TIMM23B: variants seen among roughly 807,000 people sequenced by gnomAD.
The protein encoded by TIMM23B is translocase of inner mitochondrial membrane 23 homolog B.
A neutral mutation model predicts 27.3 loss-of-function variants in TIMM23B; 27 were observed. The observed-to-expected ratio is 0.99, with a 90% CI of 0.73 to 1.36. The LOEUF (loss-of-function observed/expected upper bound fraction) is 1.36. TIMM23B is among the 40% of genes most tolerant of loss of function. The pLI is 0.00. For missense variants in TIMM23B, 205 were observed against 244.2 expected, an observed-to-expected ratio of 0.84 and a Z score of 1.07; for synonymous variants, 73 against 92.4, an observed-to-expected ratio of 0.79 and a Z score of 1.21.
At position 49,973,226 on chromosome 10, in the gene TIMM23B, A is replaced by C. The variant is rs1840528429; in HGVS notation, c.*162A>C. The stretch of plus-strand genomic sequence containing the variant: ...TAGTCTCTGTCAGAGCTACATTTTA[A>C]AGGAGAAAAAGAAACGTGAAGTCAT... On this transcript the variant is annotated 3_prime_UTR_variant, in exon 7 of 7. Transcript: ENST00000651259. The C allele has an allele frequency of 1.9e-6, 1 of 530,506 alleles. No homozygotes were observed. The highest frequency in any genetic ancestry group is 3.3e-6 in the Non-Finnish European group (1 of 299,320). The allele number at this position is 530,506 out of a possible 1,614,324, so 32.9% of individuals were successfully genotyped here. A position where few individuals can be genotyped will look rare whatever the true frequency, so the allele number is the denominator to read the frequency against.
rs1840570685 is a variant in TIMM23B, at chr10:49,974,248, TTCTTTC to T, written c.*1189_*1194del. ...AAAGGAGAATTATGGCATCATCTAT[TTCTTTC>T]TCTTGTCTCATAAATCTAAACCATC... On this transcript the variant is annotated 3_prime_UTR_variant, in exon 7 of 7. Transcript: ENST00000651259. The T allele has an allele frequency of 6.7e-6, 1 of 148,962 alleles. No homozygotes were observed. The highest frequency in any genetic ancestry group is 6.7e-5 in the Admixed American group (1 of 14,904). 9.2% of individuals were successfully genotyped at this position (148,962 alleles called of 1,614,324 possible). A position where few individuals can be genotyped will look rare whatever the true frequency, so the allele number is the denominator to read the frequency against.
chr10:49,950,038 C>G (rs1839475781), intron 2 of TIMM23B, among the ~76,000 whole-genome samples: 1 of 152,052 alleles, frequency 6.6e-6, no homozygotes, highest in Non-Finnish European at 1.5e-5. Context: ...TTTGTATTGT[C>G]ACTACTCTTA....
At chr10:49,949,197 CTT>C (rs1318050672) in intron 2 of TIMM23B, among the ~76,000 whole-genome samples, 5 of 106,592 alleles carry the variant, frequency 4.7e-5, no homozygotes, top group East Asian at 5.9e-4. Context: ...CATGCCTGGC[CTT>C]TTTTTTTTTT....
intron 5 of TIMM23B, among the ~76,000 whole-genome samples, chr10:49,957,743 G>A (rs1309776761): frequency 4.6e-5 from 7 of 152,118 alleles, no homozygotes; most frequent in African/African-American, 9.7e-5. Flanking sequence ...AAAGTCTTCC[G>A]ACCCCATCCA....
At chr10:49,948,936 G>A (rs1392286771) in intron 2 of TIMM23B, among the ~76,000 whole-genome samples, 11 of 151,854 alleles carry the variant, frequency 7.2e-5, no homozygotes, top group African/African-American at 2.4e-4. Flanking sequence ...TTCCAGACTC[G>A]AGTTGCAGTA....
At chr10:49,965,933 G>C (rs534065906) in intron 6 of TIMM23B, among the ~76,000 whole-genome samples, 1 of 128,196 alleles carries the variant, frequency 7.8e-6, no homozygotes, top group Non-Finnish European at 1.7e-5. Context: ...GAAATGAAAC[G>C]AAATGAAATG....
intron 6 of TIMM23B, among the ~76,000 whole-genome samples, chr10:49,966,162 G>A (rs1369717560): frequency 2.7e-5 from 4 of 148,254 alleles, no homozygotes; most frequent in Admixed American, 1.3e-4. Flanking sequence ...CAGCTTGCGC[G>A]GTAGAGTGAG....
intron 2 of TIMM23B, among the ~76,000 whole-genome samples, chr10:49,946,237 A>T (rs1230068465): frequency 6.0e-5 from 9 of 149,650 alleles, no homozygotes; most frequent in Non-Finnish European, 1.0e-4. Flanking sequence ...AGCCTGTTAA[A>T]TGCCATCTAC....
intron 2 of TIMM23B, among the ~76,000 whole-genome samples, chr10:49,950,604 G>A (rs1300767947): frequency 1.3e-5 from 2 of 148,436 alleles, no homozygotes; most frequent in Non-Finnish European, 3.0e-5. Context: ...GTGCAGTGGC[G>A]TGATCTCAGC....
chr10:49,949,195 G>GC (rs1564679511), intron 2 of TIMM23B, among the ~76,000 whole-genome samples: 7 of 85,870 alleles, frequency 8.2e-5, no homozygotes, highest in African/African-American at 3.9e-4. Flanking sequence ...ACCATGCCTG[G>GC]CCTTTTTTTT....
At chr10:49,969,106 A>AT (rs1298397505) in intron 6 of TIMM23B, among the ~76,000 whole-genome samples, 1 of 152,102 alleles carries the variant, frequency 6.6e-6, no homozygotes, top group African/African-American at 2.4e-5. Flanking sequence ...GGCTTTGATT[A>AT]TTTTTTTAAG....
At chr10:49,943,032 C>T (rs1227314475) in intron 1 of TIMM23B, among the ~76,000 whole-genome samples, 9 of 152,074 alleles carry the variant, frequency 5.9e-5, no homozygotes, top group East Asian at 3.8e-4. Context: ...AAAGCCTTTA[C>T]GAAAGTACTT....
At chr10:49,969,536 A>C (rs1186863386) in intron 6 of TIMM23B, among the ~76,000 whole-genome samples, 7 of 151,790 alleles carry the variant, frequency 4.6e-5, no homozygotes, top group African/African-American at 1.7e-4. Flanking sequence ...TGGACAACAT[A>C]GCTACTAAAA....
chr10:49,964,612 A>G (rs540529050), intron 6 of TIMM23B, among the ~76,000 whole-genome samples: 58 of 151,424 alleles, frequency 3.8e-4, no homozygotes, highest in African/African-American at 1.2e-3. Flanking sequence ...GCCGGGTGAA[A>G]TGAAATGAAA....
intron 6 of TIMM23B, among the ~76,000 whole-genome samples, chr10:49,966,861 ACT>A (rs1488609991): frequency 3.9e-5 from 6 of 152,266 alleles, no homozygotes; most frequent in South Asian, 4.1e-4. Flanking sequence ...AAAATAAATT[ACT>A]CTCTATCTGA....
rs1184400496 is a variant in TIMM23B at position 49,970,637 on chromosome 10, G to A, written c.515-2375G>A. The stretch of plus-strand genomic sequence containing the variant: ...GGAGGTGGGGGGGCAGCCCCCGCCC[G>A]GCCAGCTGCCCCGTCCGGGAGGGAG... On this transcript the variant is annotated intron_variant, in intron 6 of 6. Coordinates refer to ENST00000651259, the MANE Select transcript of TIMM23B (RefSeq NM_001290117.2). 6.0e-5 allele frequency among the ~76,000 whole-genome samples: 9 copies of A among 150,424 alleles called. No homozygotes were observed. In the South Asian group the frequency reaches 8.4e-4, roughly 14 times the overall value.
intron 5 of TIMM23B, among the ~76,000 whole-genome samples, chr10:49,956,079 T>G (rs1564682512): frequency 2.5e-5 from 3 of 120,160 alleles, no homozygotes; most frequent in Admixed American, 2.2e-4. Flanking sequence ...CTAGAATGGC[T>G]GGTCACCCTC....
At chr10:49,950,260 T>A (rs1473875876) in intron 2 of TIMM23B, among the ~76,000 whole-genome samples, 1 of 151,008 alleles carries the variant, frequency 6.6e-6, no homozygotes, top group Admixed American at 6.6e-5. Flanking sequence ...GGATTTATCT[T>A]CCATGTCAGC....
chr10:49,952,370 G>A, intron 3 of TIMM23B, 79 bp from the exon 4 acceptor site: 2 of 1,519,894 alleles, frequency 1.3e-6, no homozygotes, highest in Non-Finnish European at 1.8e-6. Flanking sequence ...AAAAGAATCA[G>A]AAGTGTAGTT....
Sources: gnomAD v4.1 joint callset for allele counts (sites outside exome capture counted in the v4.1 genomes callset) on GRCh38, gnomAD v4.1.1 for gene constraint, MANE v1.5 for transcripts, NCBI Gene and HGNC (gene_info 2026-07-23, HGNC 2026-07-21) for gene names.